FBN2: variants seen among roughly 807,000 people sequenced by gnomAD.
FBN2 encodes fibrillin-2.
Under a neutral mutation model 355.6 loss-of-function variants are expected in FBN2, and 105 were observed. The ratio of observed to expected loss-of-function variants is 0.30; its 90% CI spans 0.25 to 0.35. The LOEUF is 0.35. Among genes scored for constraint, FBN2 ranks in the 10% least tolerant of loss-of-function variants. The pLI is 1.00. For missense variants in FBN2, 3,280 were observed against 3,758.7 expected, an observed-to-expected ratio of 0.87 and a Z score of 3.33; for synonymous variants, 1,350 against 1,301.2, an observed-to-expected ratio of 1.04 and a Z score of -0.81.
chr5:128,345,344 C>G lies in FBN2; in HGVS notation c.3217+13G>C, dbSNP rs572013507. 5 of 1,608,074 alleles carry G rather than the reference C, an allele frequency of 3.1e-6. No homozygotes were observed. Among genetic ancestry groups the G allele is most frequent in the Non-Finnish European group, 4.3e-6 (5 of 1,174,632 alleles). On this transcript the variant is annotated intron_variant, in intron 24 of 64. Transcript: ENST00000262464. ...GGTGAAGAAGGACCAAGGCGCTGGC[C>G]GCAGGCAGTTACCTTTGTAAAATGG...
intron 5 of FBN2, among the ~76,000 whole-genome samples, chr5:128,517,495 A>G (rs1308666626): frequency 6.6e-6 from 1 of 152,208 alleles, no homozygotes; most frequent in African/African-American, 2.4e-5. Flanking sequence ...TCTGGTAAAG[A>G]CATTTAAATT....
intron 16 of FBN2, among the ~76,000 whole-genome samples, chr5:128,367,991 T>C (rs1301945942): frequency 6.6e-6 from 1 of 152,136 alleles, no homozygotes; most frequent in Non-Finnish European, 1.5e-5. Flanking sequence ...TTTACAGGAA[T>C]GCTTTCCTGT....
At chr5:128,534,728 TATATTTCTACTGC>T (rs1756801551) in intron 2 of FBN2, among the ~76,000 whole-genome samples, 1 of 152,218 alleles carries the variant, frequency 6.6e-6, no homozygotes, top group Non-Finnish European at 1.5e-5. Flanking sequence ...GGGCCATACA[TATATTTCTACTGC>T]AAATATTCTG....
intron 5 of FBN2, among the ~76,000 whole-genome samples, chr5:128,502,472 TTA>T (rs1419260184): frequency 6.6e-6 from 1 of 152,100 alleles, no homozygotes; most frequent in Non-Finnish European, 1.5e-5. Context: ...CAAGTTAAAC[TTA>T]TCCAAGTTGG....
In FBN2 at chr5:128,318,884, C is replaced by T. The variant is rs2126854530; in HGVS notation, c.4589G>A (p.Cys1530Tyr). The change falls in exon 35 of 65, where the codon TGT becomes TAT. Residue 1530 changes from cysteine to tyrosine, a missense_variant. Physicochemically the swap from Cys to Tyr is radical, Grantham distance 194. This residue lies in a region of FBN2 where 2,284 missense variants were observed against 2,749.5 expected (regional missense o/e 0.83). Transcript: ENST00000262464. ...TAGCTGGTAACTGACCATACCTGTA[C>T]AGTTCCCTCCTGTTCTGTCCAATTC... is the stretch of plus-strand genomic sequence containing the variant. ...GYELDRTGGN[C>Y]TDIDECADPI... is the part of the protein sequence containing the mutation. 1 of 1,613,410 alleles carries T rather than the reference C, an allele frequency of 6.2e-7. No homozygotes were observed. The highest frequency in any genetic ancestry group is 8.5e-7 in the Non-Finnish European group (1 of 1,179,568).
chr5:128,394,445 A>T (rs1427139414), intron 9 of FBN2, among the ~76,000 whole-genome samples: 1 of 152,192 alleles, frequency 6.6e-6, no homozygotes. Context: ...AAGAGAGGAA[A>T]TATCTTCAAG....
chr5:128,335,996 C>T lies in FBN2; in HGVS notation c.3716G>A (p.Gly1239Asp). ...GCTTGGTCTCCCCTTACCTGTACAGCCCTGGCGGTCTGGCGTAGCCTGATA... is the reference window on the plus strand; with the variant it reads ...GCTTGGTCTCCCCTTACCTGTACAGTCCTGGCGGTCTGGCGTAGCCTGATA... ...PGYQATPDRQ[G>D]CTDIDECMIM... Residue 1239 changes from glycine (G) to aspartate (D), a missense_variant, in exon 28 of 65, where the codon GGC becomes GAC. This residue lies in a region of FBN2 where 2,284 missense variants were observed against 2,749.5 expected (regional missense o/e 0.83). Transcript: ENST00000262464. The T allele has an allele frequency of 2.5e-6, 4 of 1,614,042 alleles. No individual in the cohort carries two copies. In the Middle Eastern group the frequency reaches 6.6e-4, roughly 266 times the overall value.
In FBN2 at chr5:128,320,346, C is replaced by T. The variant is rs376066901; in HGVS notation, c.4472-1345G>A. ...CCTCCCCCTTCAGCCTTCCAGGTAG[C>T]TGGGACTATGGGCAAACACCATCAC... On this transcript the variant is annotated intron_variant, in intron 34 of 64. Coordinates refer to ENST00000262464, the MANE Select transcript of FBN2 (RefSeq NM_001999.4). 1.7e-3 allele frequency among the ~76,000 whole-genome samples: 259 copies of T among 152,084 alleles called. 5 individuals carry two copies. In the South Asian group the frequency reaches 0.051, roughly 30 times the overall value.
intron 14 of FBN2, among the ~76,000 whole-genome samples, chr5:128,376,191 T>A (rs1286632633): frequency 2.0e-5 from 3 of 152,200 alleles, no homozygotes; most frequent in Non-Finnish European, 2.9e-5. Context: ...ATTAAGGTTA[T>A]CATTAGAGCT....
intron 15 of FBN2, among the ~76,000 whole-genome samples, chr5:128,373,855 A>G (rs1186795031): frequency 6.6e-6 from 1 of 152,170 alleles, no homozygotes; most frequent in Non-Finnish European, 1.5e-5. Context: ...TGAATGGCTT[A>G]GAATAAAATA....
At chr5:128,444,684 A>C in intron 7 of FBN2, among the ~76,000 whole-genome samples, 1 of 152,320 alleles carries the variant, frequency 6.6e-6, no homozygotes, top group South Asian at 2.1e-4. Context: ...CCTAAAGAAC[A>C]TAGGCAAGTG....
chr5:128,522,849 A>C (rs1439049524), intron 4 of FBN2, among the ~76,000 whole-genome samples: 2 of 152,184 alleles, frequency 1.3e-5, no homozygotes, highest in Non-Finnish European at 2.9e-5. Context: ...AACGCTGACC[A>C]CTCAGGAAGA....
chr5:128,490,854 T>C (rs892283830), intron 5 of FBN2, among the ~76,000 whole-genome samples: 9 of 152,224 alleles, frequency 5.9e-5, no homozygotes, highest in Admixed American at 2.0e-4. Flanking sequence ...ACTTTACTGA[T>C]CAGTGGCTTG....
chr5:128,503,046 G>C (rs945624744), intron 5 of FBN2, among the ~76,000 whole-genome samples: 7 of 150,842 alleles, frequency 4.6e-5, no homozygotes, highest in Admixed American at 2.6e-4. Context: ...TAACAAGGGT[G>C]GGGCCAGGTG....
intron 22 of FBN2, 152 bp from the exon 23 acceptor site, chr5:128,349,624 C>A: frequency 9.9e-7 from 1 of 1,008,278 alleles, no homozygotes; most frequent in Non-Finnish European, 1.5e-6. Context: ...ACCGAGCCAC[C>A]CGCTTTCCTA....
At chr5:128,311,692 A>G (rs553080498) in intron 38 of FBN2, among the ~76,000 whole-genome samples, 193 bp downstream of exon 38, 1 of 152,288 alleles carries the variant, frequency 6.6e-6, no homozygotes, top group South Asian at 2.1e-4. Flanking sequence ...CAGAACAGTC[A>G]GACGTCAAAT....
At chr5:128,502,297 A>C (rs114445163) in intron 5 of FBN2, among the ~76,000 whole-genome samples, 4 of 151,340 alleles carry the variant, frequency 2.6e-5, no homozygotes, top group Non-Finnish European at 5.9e-5. Flanking sequence ...CAAAAAAAAA[A>C]AAATAATTAT....
chr5:128,285,717 C>T (rs1335914153), intron 55 of FBN2, among the ~76,000 whole-genome samples: 1 of 152,040 alleles, frequency 6.6e-6, no homozygotes, highest in Non-Finnish European at 1.5e-5. Flanking sequence ...ATGGCAGATC[C>T]ATGACCAGAA....
intron 8 of FBN2, among the ~76,000 whole-genome samples, chr5:128,406,028 T>C (rs1581268495): frequency 6.6e-6 from 1 of 152,224 alleles, no homozygotes; most frequent in Non-Finnish European, 1.5e-5. Flanking sequence ...TGTTCGCATA[T>C]GCACGTGTGC....
Sources: gnomAD v4.1 joint callset for allele counts (sites outside exome capture counted in the v4.1 genomes callset) on GRCh38, gnomAD v4.1.1 for gene constraint, gnomAD v4.1.1 regional missense constraint, MANE v1.5 for transcripts, NCBI Gene and HGNC (gene_info 2026-07-23, HGNC 2026-07-21) for gene names.